Variants in SOX6 observed in about 807,000 individuals in gnomAD.
The protein encoded by SOX6 is transcription factor SOX-6.
A neutral mutation model predicts 97.8 loss-of-function variants in SOX6; 11 were observed. The observed-to-expected ratio is 0.11, with a 90% CI of 0.07 to 0.19. The LOEUF (loss-of-function observed/expected upper bound fraction) is 0.19. SOX6 is among the 10% of genes least tolerant of loss of function. The pLI, the probability that SOX6 is intolerant of heterozygous loss-of-function variation, is 1.00. For missense variants in SOX6, 810 were observed against 1,039.5 expected (o/e 0.78, Z 3.04); for synonymous variants, 360 against 371.4 (o/e 0.97, Z 0.35).
intron 1 of SOX6, among the ~76,000 whole-genome samples, chr11:16,370,278 T>G: frequency 6.6e-6 from 1 of 152,142 alleles, no homozygotes; most frequent in African/African-American, 2.4e-5. Context: ...CTTTTTTAGT[T>G]TTCCAATGCC....
chr11:16,146,936 A>T (rs2134049758), intron 6 of SOX6, among the ~76,000 whole-genome samples: 1 of 152,312 alleles, frequency 6.6e-6, no homozygotes, highest in Middle Eastern at 3.4e-3. Flanking sequence ...ATTGTGGAAG[A>T]CAGTGCGGCG....
chr11:16,553,711 G>A (rs1009161215), intron 4 of SOX6, among the ~76,000 whole-genome samples: 4 of 151,960 alleles, frequency 2.6e-5, no homozygotes, highest in Admixed American at 2.0e-4. Context: ...AACATAGATT[G>A]GTGCTCCTAA....
intron 2 of SOX6, among the ~76,000 whole-genome samples, chr11:16,722,071 T>C (rs1848271342): frequency 2.0e-5 from 3 of 151,786 alleles, no homozygotes. Context: ...CCAAAAACTA[T>C]AAAAACCCTG....
intron 4 of SOX6, among the ~76,000 whole-genome samples, chr11:16,566,792 G>A (rs1298678091): frequency 2.0e-5 from 3 of 152,104 alleles, no homozygotes; most frequent in South Asian, 4.1e-4. Flanking sequence ...AATTAAACAC[G>A]GGACTTTCAT....
intron 1 of SOX6, among the ~76,000 whole-genome samples, chr11:16,347,063 C>G (rs749535405): frequency 1.3e-5 from 2 of 152,078 alleles, no homozygotes; most frequent in Non-Finnish European, 2.9e-5. Context: ...GCTCATATGT[C>G]TTGGAATGCT....
intron 4 of SOX6, among the ~76,000 whole-genome samples, chr11:16,206,940 C>A (rs184161198): frequency 6.6e-6 from 1 of 152,266 alleles, no homozygotes; most frequent in African/African-American, 2.4e-5. Context: ...AAAGTCCAGA[C>A]TTTCCAACAT....
At chr11:16,530,345 AT>A (rs1861222507) in intron 4 of SOX6, among the ~76,000 whole-genome samples, 1 of 152,050 alleles carries the variant, frequency 6.6e-6, no homozygotes, top group Non-Finnish European at 1.5e-5. Flanking sequence ...TTAAAGTGCA[AT>A]TCAGAATTCT....
intron 3 of SOX6, among the ~76,000 whole-genome samples, chr11:16,655,181 T>C (rs1323503454): frequency 1.3e-5 from 2 of 152,188 alleles, no homozygotes; most frequent in African/African-American, 4.8e-5. Context: ...TGGTAGGGAT[T>C]AGATACAACT....
chr11:16,248,059 T>A (rs1214983365), intron 3 of SOX6, among the ~76,000 whole-genome samples: 2 of 152,148 alleles, frequency 1.3e-5, no homozygotes, highest in Non-Finnish European at 2.9e-5. Context: ...CCCACGCAAG[T>A]CTGAAATCCA....
intron 9 of SOX6, among the ~76,000 whole-genome samples, chr11:16,071,582 C>CA (rs1291169986): frequency 9.9e-5 from 15 of 152,166 alleles, no homozygotes; most frequent in Admixed American, 6.5e-5. Flanking sequence ...CACTGAACCC[C>CA]ACCTCTTGTA....
At chr11:16,296,999 T>G (rs1855113944) in intron 3 of SOX6, among the ~76,000 whole-genome samples, 1 of 152,134 alleles carries the variant, frequency 6.6e-6, no homozygotes, top group Non-Finnish European at 1.5e-5. Flanking sequence ...GAAGAAGGAA[T>G]AAGATCCTGA....
chr11:16,008,200 A>C (rs547707848), intron 13 of SOX6, among the ~76,000 whole-genome samples: 1 of 152,106 alleles, frequency 6.6e-6, no homozygotes, highest in Non-Finnish European at 1.5e-5. Flanking sequence ...ACATGGAAAA[A>C]GTCTGTACAT....
chr11:16,007,661 G>A (rs1305909750), intron 13 of SOX6, among the ~76,000 whole-genome samples: 4 of 152,076 alleles, frequency 2.6e-5, no homozygotes, highest in Non-Finnish European at 5.9e-5. Flanking sequence ...CTTAAGGTTA[G>A]GCTGAATTCC....
At chr11:16,492,261 C>T (rs772501165) in intron 4 of SOX6, among the ~76,000 whole-genome samples, 3 of 152,170 alleles carry the variant, frequency 2.0e-5, no homozygotes. Context: ...GCCATTGGTG[C>T]TGCTACTTAG....
Position 15,969,440 on chromosome 11 carries a change from T to C in SOX6, c.*3369A>G, listed in dbSNP as rs764413997. The C allele has an allele frequency of 9.2e-5, 14 of 152,170 alleles. No homozygotes were observed. Among genetic ancestry groups the C allele is most frequent in the Non-Finnish European group, 1.8e-4 (12 of 68,012 alleles). The allele number at this position is 152,170 out of a possible 1,614,324, so 9.4% of individuals were successfully genotyped here. A position where few individuals can be genotyped will look rare whatever the true frequency, so the allele number is the denominator to read the frequency against. On this transcript the variant is annotated 3_prime_UTR_variant, in exon 16 of 16. Coordinates refer to ENST00000683767, the MANE Select transcript of SOX6 (RefSeq NM_001367873.1). ...ATTTAGTATGTCCAATCATCAACTT[T>C]CTGTAAGAAAAAAGGGAAATGTCTG... is the stretch of plus-strand genomic sequence containing the variant.
intron 6 of SOX6, among the ~76,000 whole-genome samples, chr11:16,144,374 C>T (rs1024607339): frequency 1.3e-5 from 2 of 152,140 alleles, no homozygotes; most frequent in Non-Finnish European, 2.9e-5. Flanking sequence ...AAATTTATAG[C>T]ACTAAATGCC....
chr11:16,380,746 C>A (rs944241362), intron 1 of SOX6, among the ~76,000 whole-genome samples: 2 of 152,064 alleles, frequency 1.3e-5, no homozygotes. Context: ...AGCAATCAAG[C>A]AAATCACCTC....
intron 12 of SOX6, chr11:16,023,213 T>C (rs890733222): frequency 2.6e-5 from 4 of 152,096 alleles, no homozygotes; most frequent in African/African-American, 7.2e-5. Flanking sequence ...TGGTGTTCCA[T>C]CACCACATTT....
At chr11:16,372,745 T>G (rs1385215339) in intron 1 of SOX6, among the ~76,000 whole-genome samples, 1 of 152,100 alleles carries the variant, frequency 6.6e-6, no homozygotes, top group Non-Finnish European at 1.5e-5. Context: ...CTTGAGATGT[T>G]GATGGAGAGA....
Sources: allele counts gnomAD v4.1 joint callset (sites outside exome capture counted in the v4.1 genomes callset), GRCh38; gene constraint gnomAD v4.1.1; transcripts MANE v1.5; gene names NCBI Gene and HGNC (gene_info 2026-07-23, HGNC 2026-07-21).